Variants in NAA35 observed in about 807,000 individuals in gnomAD.
NAA35 encodes the protein MAK10 homolog, amino-acid N-acetyltransferase subunit.
In NAA35, 18 loss-of-function variants were observed where a neutral mutation model predicts 101.7. That is an observed-to-expected ratio of 0.18 (90% CI 0.12 to 0.26). The LOEUF is 0.26. NAA35 is among the 10% of genes least tolerant of loss of function. The pLI is 1.00. For synonymous variants in NAA35, 267 were observed against 273.1 expected (o/e 0.98, Z 0.22); for missense variants, 601 against 886.8 (o/e 0.68, Z 4.09).
chr9:85,954,674 T>G (rs1336589972), intron 2 of NAA35, among the ~76,000 whole-genome samples: 2 of 152,180 alleles, frequency 1.3e-5, no homozygotes, highest in African/African-American at 4.8e-5. Flanking sequence ...CATGATTAGT[T>G]TAGCTTGGGG....
intron 6 of NAA35, among the ~76,000 whole-genome samples, chr9:85,963,736 T>C (rs931233511): frequency 6.6e-6 from 1 of 152,172 alleles, no homozygotes; most frequent in Non-Finnish European, 1.5e-5. Flanking sequence ...TAAATACTAG[T>C]ATTTTCAAAG....
chr9:85,999,822 T>C (rs1322886436), intron 12 of NAA35, among the ~76,000 whole-genome samples: 2 of 152,242 alleles, frequency 1.3e-5, no homozygotes, highest in African/African-American at 2.4e-5. Flanking sequence ...TACATTATTA[T>C]TTAACTATAA....
At chr9:85,946,577 C>T (rs1828771758) in intron 2 of NAA35, among the ~76,000 whole-genome samples, 1 of 152,102 alleles carries the variant, frequency 6.6e-6, no homozygotes, top group African/African-American at 2.4e-5. Flanking sequence ...GTTTAAGCTT[C>T]TCCAACCCAT....
chr9:85,981,233 T>C (rs1004833862), intron 11 of NAA35, among the ~76,000 whole-genome samples: 1 of 152,150 alleles, frequency 6.6e-6, no homozygotes, highest in African/African-American at 2.4e-5. Flanking sequence ...TGGTTATGCA[T>C]AGCAACGTAG....
intron 2 of NAA35, among the ~76,000 whole-genome samples, chr9:85,947,832 A>C (rs960481851): frequency 6.6e-6 from 1 of 152,212 alleles, no homozygotes; most frequent in Admixed American, 6.5e-5. Context: ...TGAATTCTTC[A>C]GGAAAGGAAC....
intron 2 of NAA35, among the ~76,000 whole-genome samples, chr9:85,955,259 A>G (rs989244688): frequency 6.7e-6 from 1 of 148,942 alleles, no homozygotes; most frequent in Non-Finnish European, 1.5e-5. Flanking sequence ...ACAGTTGGCT[A>G]GGGAAGATTG....
chr9:85,984,173 T>C (rs1830552945), intron 11 of NAA35, among the ~76,000 whole-genome samples: 1 of 151,848 alleles, frequency 6.6e-6, no homozygotes, highest in African/African-American at 2.4e-5. Flanking sequence ...ACAAAAAATT[T>C]AAAAATTAGC....
intron 2 of NAA35, among the ~76,000 whole-genome samples, chr9:85,954,107 G>T (rs1006951040): frequency 6.6e-6 from 1 of 152,074 alleles, no homozygotes; most frequent in Non-Finnish European, 1.5e-5. Context: ...TAGAGACAGG[G>T]TCTCACTCTG....
chr9:86,013,583 C>T, intron 16 of NAA35, 136 bp from the exon 17 acceptor site: 1 of 741,762 alleles, frequency 1.3e-6, no homozygotes. Flanking sequence ...ACTAAAAATG[C>T]ATTTAAAAAT....
At chr9:85,980,021 C>G (rs930544179) in intron 11 of NAA35, among the ~76,000 whole-genome samples, 1 of 152,184 alleles carries the variant, frequency 6.6e-6, no homozygotes, top group Admixed American at 6.5e-5. Flanking sequence ...TCCCACGACT[C>G]TCTTTTTGGT....
intron 8 of NAA35, among the ~76,000 whole-genome samples, 156 bp downstream of exon 8, chr9:85,975,313 T>C (rs534164438): frequency 5.3e-5 from 8 of 152,230 alleles, no homozygotes; most frequent in African/African-American, 1.9e-4. Context: ...GAGTTTCTGA[T>C]AAATTAATGT....
chr9:85,952,278 A>AGT (rs1829050476), intron 2 of NAA35, among the ~76,000 whole-genome samples: 2 of 147,714 alleles, frequency 1.4e-5, no homozygotes, highest in African/African-American at 5.0e-5. Flanking sequence ...TAATTGTGCA[A>AGT]GTGTTTTTTG....
intron 6 of NAA35, among the ~76,000 whole-genome samples, chr9:85,971,232 G>A (rs1829985007): frequency 6.6e-6 from 1 of 152,078 alleles, no homozygotes; most frequent in African/African-American, 2.4e-5. Flanking sequence ...ACTCCAAATG[G>A]TCATTCTTTA....
At chr9:85,988,919 A>G (rs1830775069) in intron 11 of NAA35, among the ~76,000 whole-genome samples, 1 of 152,218 alleles carries the variant, frequency 6.6e-6, no homozygotes, top group African/African-American at 2.4e-5. Flanking sequence ...TATACATATG[A>G]TTGGCGTCCC....
rs144637492 is a variant in NAA35 at position 85,968,017 on chromosome 9, T to C, written c.516+5837T>C. ...ATCTTGCAATATCATACTGCCAGTG[T>C]TATCTTTGATTACCTCTTTCTTCTT... On this transcript the variant is annotated intron_variant, in intron 6 of 22. Transcript: ENST00000361671. 1.3e-3 allele frequency among the ~76,000 whole-genome samples: 204 copies of C among 152,270 alleles called. 1 individual carries two copies. The highest frequency in any genetic ancestry group is 4.5e-3 in the African/African-American group (188 of 41,560).
intron 13 of NAA35, among the ~76,000 whole-genome samples, chr9:86,004,352 G>A (rs867440093): frequency 3.9e-5 from 6 of 151,904 alleles, no homozygotes; most frequent in East Asian, 1.9e-4. Flanking sequence ...TGATCCACCC[G>A]TCTCAGCCTC....
At position 85,959,826 on chromosome 9, in the gene NAA35, C is replaced by G; in HGVS notation, c.307C>G (p.Pro103Ala). The G allele has an allele frequency of 6.2e-7, 1 of 1,611,280 alleles. No individual in the cohort carries two copies. The highest frequency in any genetic ancestry group is 8.5e-7 in the Non-Finnish European group (1 of 1,178,908). The change falls in exon 5 of 23, where the codon CCT (proline) becomes GCT (alanine). Residue 103 changes from proline (P) to alanine (A), a missense_variant. Physicochemically the swap from Pro to Ala is conservative, Grantham distance 27 (BLOSUM62 -1). Transcript: ENST00000361671. ...TATTAAAATTAAAGATCTCACCTTGCCTGAACTGATAGGGATTATGGATAC... is the reference window on the plus strand; with the variant it reads ...TATTAAAATTAAAGATCTCACCTTGGCTGAACTGATAGGGATTATGGATAC... ...GTIKIKDLTLPELIGIMDTCF... is the reference protein window; with the variant it reads ...GTIKIKDLTLAELIGIMDTCF...
chr9:85,960,107 G>A (rs1345367820), intron 5 of NAA35, among the ~76,000 whole-genome samples: 2 of 152,262 alleles, frequency 1.3e-5, no homozygotes, highest in South Asian at 2.1e-4. Flanking sequence ...TATTATAGCC[G>A]TGGTTCATAA....
intron 2 of NAA35, among the ~76,000 whole-genome samples, chr9:85,951,511 TCTTTATG>T (rs1247399651): frequency 6.6e-6 from 1 of 152,244 alleles, no homozygotes; most frequent in Non-Finnish European, 1.5e-5. Flanking sequence ...GGTAATGGAC[TCTTTATG>T]CTCTGTTACA....
Sources: allele counts gnomAD v4.1 joint callset (sites outside exome capture counted in the v4.1 genomes callset), GRCh38; gene constraint gnomAD v4.1.1; transcripts MANE v1.5; gene names NCBI Gene and HGNC (gene_info 2026-07-23, HGNC 2026-07-21).